GPBP1: variants seen among roughly 807,000 people sequenced by gnomAD.
The protein encoded by GPBP1 is vasculin.
In GPBP1, 13 loss-of-function variants were observed where a neutral mutation model predicts 56.5. That is an observed-to-expected ratio of 0.23 (90% CI 0.15 to 0.37). The LOEUF (loss-of-function observed/expected upper bound fraction) is 0.37. GPBP1 is among the 10% of genes least tolerant of loss of function. The pLI is 1.00. For synonymous variants in GPBP1, 204 were observed against 188.9 expected, an observed-to-expected ratio of 1.08 and a Z score of -0.66; for missense variants, 477 against 572.3, an observed-to-expected ratio of 0.83 and a Z score of 1.70.
intron 2 of GPBP1, among the ~76,000 whole-genome samples, chr5:57,197,181 C>T (rs968578444): frequency 6.6e-6 from 1 of 151,960 alleles, no homozygotes; most frequent in African/African-American, 2.4e-5. Context: ...CACATCTAGC[C>T]CATTTTTTTT....
At chr5:57,246,136 A>T in intron 6 of GPBP1, 164 bp from the exon 7 acceptor site, 1 of 509,274 alleles carries the variant, frequency 2.0e-6, no homozygotes, top group South Asian at 3.7e-5. Context: ...TTACTTGTTC[A>T]ATTGGAATAT....
At chr5:57,199,800 G>T (rs1754918723) in intron 2 of GPBP1, among the ~76,000 whole-genome samples, 1 of 151,942 alleles carries the variant, frequency 6.6e-6, no homozygotes, top group Admixed American at 6.6e-5. Flanking sequence ...TCATACTGCT[G>T]TGTGCTGTTC....
intron 3 of GPBP1, among the ~76,000 whole-genome samples, chr5:57,230,025 G>A (rs1343824158): frequency 6.7e-6 from 1 of 148,642 alleles, no homozygotes; most frequent in Non-Finnish European, 1.5e-5. Context: ...CCGCCTCCCA[G>A]GTTCAAGCGA....
At chr5:57,180,257 G>A (rs1324382196) in intron 2 of GPBP1, among the ~76,000 whole-genome samples, 8 of 152,134 alleles carry the variant, frequency 5.3e-5, no homozygotes, top group African/African-American at 1.9e-4. Context: ...TGAGGTTACA[G>A]GTCCCCGCTG....
chr5:57,201,341 A>G (rs151130743), intron 2 of GPBP1, among the ~76,000 whole-genome samples: 56 of 152,138 alleles, frequency 3.7e-4, no homozygotes, highest in Non-Finnish European at 7.1e-4. Flanking sequence ...ATTGCTGCCC[A>G]TGCCACACAG....
chr5:57,207,473 C>T (rs563998879), intron 2 of GPBP1, among the ~76,000 whole-genome samples: 5 of 152,214 alleles, frequency 3.3e-5, no homozygotes, highest in African/African-American at 1.2e-4. Flanking sequence ...TGTGGGACTC[C>T]GACCCCACGG....
In GPBP1 at chr5:57,217,294, TG is replaced by T. The variant is rs796847118; in HGVS notation, c.63+3104del. On this transcript the variant is annotated intron_variant, in intron 3 of 11. Coordinates refer to ENST00000506184, the MANE Select transcript of GPBP1 (RefSeq NM_022913.4). ...GTGTAAACATAAAACAACTACTGCC[TG>T]GGTGCGGTGGCTCACGCCTATAATC... is the stretch of plus-strand genomic sequence containing the variant. 5.3e-5 allele frequency among the ~76,000 whole-genome samples: 8 copies of T among 152,132 alleles called. No homozygotes were observed. In the South Asian group the frequency reaches 1.7e-3, roughly 32 times the overall value.
At position 57,252,125 on chromosome 5, in the gene GPBP1, A is replaced by ACCCACC. The variant is rs1185397998; in HGVS notation, c.1160+1002_1160+1007dup. Among the ~76,000 whole-genome samples the ACCCACC allele has an allele frequency of 5.8e-3, 333 of 57,574 alleles. 5 individuals carry two copies. Among genetic ancestry groups the ACCCACC allele is most frequent in the African/African-American group, 0.021 (326 of 15,776 alleles). 37.8% of individuals were successfully genotyped at this position (57,574 alleles called of 152,430 possible). A position where few individuals can be genotyped will look rare whatever the true frequency, so the allele number is the denominator to read the frequency against. ...TCTCTCAGTAGTGCAATCACCTCCC[A>ACCCACC]CCCACCCCCACCCCCACCCCCACAG... On this transcript the variant is annotated intron_variant, in intron 10 of 11. Coordinates refer to ENST00000506184, the MANE Select transcript of GPBP1 (RefSeq NM_022913.4).
chr5:57,180,823 C>G (rs2111568942), intron 2 of GPBP1, among the ~76,000 whole-genome samples: 1 of 152,156 alleles, frequency 6.6e-6, no homozygotes, highest in East Asian at 1.9e-4. Context: ...TTCATTGCAA[C>G]CTCCGCCTCC....
In GPBP1 at chr5:57,187,609, C is replaced by G. The variant is rs563321091; in HGVS notation, c.-58+11209C>G. On this transcript the variant is annotated intron_variant, in intron 2 of 11. Transcript: ENST00000506184. ...AATTATGGTTTCATGCCATCTGTTA[C>G]ATTATATAATAGCTATGTGATATTG... Among the ~76,000 whole-genome samples, 40 of 152,306 alleles carry G rather than the reference C, an allele frequency of 2.6e-4. 1 individual carries two copies. The East Asian group carries it at 6.7e-3, about 26-fold the overall frequency.
At chr5:57,245,979 G>A (rs3087980) in intron 6 of GPBP1, 28,858 of 185,206 alleles carry the variant, frequency 0.16, 2,757 homozygotes, top group African/African-American at 0.27. Context: ...TTAGGTTGAT[G>A]TTTGCAATTT....
At chr5:57,238,371 C>G (rs1024498901) in intron 6 of GPBP1, among the ~76,000 whole-genome samples, 5 of 152,066 alleles carry the variant, frequency 3.3e-5, no homozygotes, top group Admixed American at 1.3e-4. Flanking sequence ...CCAGCCTGAC[C>G]AACATGGAGA....
intron 3 of GPBP1, among the ~76,000 whole-genome samples, chr5:57,227,803 C>G (rs991273551): frequency 6.6e-6 from 1 of 152,278 alleles, no homozygotes; most frequent in East Asian, 1.9e-4. Context: ...TCCAGGCTAG[C>G]TTGTTAGCTT....
chr5:57,234,714 A>G (rs1488170974), intron 5 of GPBP1, among the ~76,000 whole-genome samples: 2 of 152,220 alleles, frequency 1.3e-5, no homozygotes, highest in Admixed American at 6.5e-5. Flanking sequence ...GATGGATTTG[A>G]TGTGCAATCA....
chr5:57,235,492 G>A (rs1320429321), intron 5 of GPBP1, among the ~76,000 whole-genome samples: 1 of 151,932 alleles, frequency 6.6e-6, no homozygotes. Context: ...CATAGGCAGA[G>A]TAGCCTGTTT....
intron 2 of GPBP1, among the ~76,000 whole-genome samples, chr5:57,205,570 CATTT>C (rs1755196550): frequency 6.8e-6 from 1 of 146,234 alleles, no homozygotes; most frequent in South Asian, 2.1e-4. Context: ...TCTTTGCTAA[CATTT>C]ATTTCCTCTT....
intron 3 of GPBP1, among the ~76,000 whole-genome samples, chr5:57,216,379 C>A (rs942192243): frequency 2.6e-5 from 4 of 152,082 alleles, no homozygotes; most frequent in African/African-American, 9.7e-5. Flanking sequence ...CAGACTCTTG[C>A]AATTGAGTTT....
At chr5:57,240,462 A>G (rs1251566309) in intron 6 of GPBP1, among the ~76,000 whole-genome samples, 1 of 152,216 alleles carries the variant, frequency 6.6e-6, no homozygotes. Context: ...TAGGTTTACT[A>G]GTGGAGTTGG....
In GPBP1 at chr5:57,249,427, T is replaced by C; in HGVS notation, c.823T>C (p.Ser275Pro). Residue 275 changes from serine to proline, a missense_variant, in exon 9 of 12, where the codon TCT becomes CCT. Coordinates refer to ENST00000506184, the MANE Select transcript of GPBP1 (RefSeq NM_022913.4). ...SVKECNRSNS[S>P]SPVDKLNQQP... ...CTCTTAGTGTAATCGCTCAAATTCC[T>C]CTTCTCCTGTTGACAAACTTAATCA... 1 of 1,602,682 alleles carries C rather than the reference T, an allele frequency of 6.2e-7. No homozygotes were observed. Among genetic ancestry groups the C allele is most frequent in the Non-Finnish European group, 8.5e-7 (1 of 1,176,166 alleles).
Sources: allele counts gnomAD v4.1 joint callset (sites outside exome capture counted in the v4.1 genomes callset), GRCh38; gene constraint gnomAD v4.1.1; transcripts MANE v1.5; gene names NCBI Gene and HGNC (gene_info 2026-07-23, HGNC 2026-07-21).